The following FARP2 variants were observed in gnomAD, a reference collection of about 807,000 sequenced individuals.
FARP2 encodes FERM, ARHGEF and pleckstrin domain-containing protein 2.
In FARP2, 111 loss-of-function variants were observed where a neutral mutation model predicts 130.5. That is an observed-to-expected ratio of 0.85 (90% CI 0.73 to 1.00). The LOEUF (loss-of-function observed/expected upper bound fraction) is 1.00. FARP2 is among the 50% of genes least tolerant of loss of function. The pLI is 0.00. For synonymous variants in FARP2, 504 were observed against 516.9 expected (o/e 0.98, Z 0.34); for missense variants, 1,385 against 1,346.3 (o/e 1.03, Z -0.45).
intron 2 of FARP2, among the ~76,000 whole-genome samples, chr2:241,400,024 C>T (rs1338578951): frequency 1.3e-5 from 2 of 152,162 alleles, no homozygotes; most frequent in African/African-American, 4.8e-5. Flanking sequence ...AAACCCTGTC[C>T]TGGGTGTTGG....
In FARP2 at chr2:241,375,650, G is replaced by A. The variant is rs568998129; in HGVS notation, c.183+2360G>A. Among the ~76,000 whole-genome samples, 5 of 152,248 alleles carry A rather than the reference G, an allele frequency of 3.3e-5. No homozygotes were observed. In the South Asian group the frequency reaches 8.3e-4, roughly 25 times the overall value. Reference sequence around the variant, plus strand: ...ATTATGGTTTCAGTTAAATATAACCGTCATGTTTGGTATTTGAGATATCTG... The same window carrying A: ...ATTATGGTTTCAGTTAAATATAACCATCATGTTTGGTATTTGAGATATCTG... On this transcript the variant is annotated intron_variant, in intron 2 of 26. Transcript: ENST00000264042.
intron 13 of FARP2, among the ~76,000 whole-genome samples, chr2:241,453,450 G>A (rs193275154): frequency 0.011 from 1,674 of 151,086 alleles, 9 homozygotes; most frequent in Non-Finnish European, 0.015. Context: ...GTGAAACCCC[G>A]TCTCTACTAA....
At chr2:241,416,107 T>G (rs948586955) in intron 7 of FARP2, among the ~76,000 whole-genome samples, 1 of 141,072 alleles carries the variant, frequency 7.1e-6, no homozygotes, top group African/African-American at 2.5e-5. Flanking sequence ...TATGCATGCA[T>G]TGTGTGTGTT....
intron 1 of FARP2, among the ~76,000 whole-genome samples, chr2:241,366,706 A>T (rs1372201972): frequency 6.6e-6 from 1 of 152,110 alleles, no homozygotes; most frequent in African/African-American, 2.4e-5. Flanking sequence ...AGAAATCAAG[A>T]ACACATTTTC....
intron 1 of FARP2, among the ~76,000 whole-genome samples, chr2:241,359,452 C>T (rs1013664111): frequency 2.0e-5 from 3 of 152,168 alleles, no homozygotes; most frequent in African/African-American, 7.2e-5. Flanking sequence ...CACTAGAGCT[C>T]GCGCAGCACA....
intron 2 of FARP2, among the ~76,000 whole-genome samples, chr2:241,393,022 T>C (rs1216549800): frequency 6.6e-6 from 1 of 151,902 alleles, no homozygotes; most frequent in Non-Finnish European, 1.5e-5. Context: ...GGTTCTTTTT[T>C]TTCTCTCTCT....
intron 2 of FARP2, among the ~76,000 whole-genome samples, chr2:241,394,836 G>A (rs2061991222): frequency 6.6e-6 from 1 of 152,158 alleles, no homozygotes; most frequent in Non-Finnish European, 1.5e-5. Flanking sequence ...ACTTTTTGTA[G>A]ACCTTATTAA....
At chr2:241,363,560 G>GAGCT (rs2061238226) in intron 1 of FARP2, among the ~76,000 whole-genome samples, 1 of 152,232 alleles carries the variant, frequency 6.6e-6, no homozygotes, top group African/African-American at 2.4e-5. Flanking sequence ...GCTCAACACT[G>GAGCT]AGCTATGCAC....
intron 7 of FARP2, among the ~76,000 whole-genome samples, chr2:241,415,989 C>CTCTGTGTG (rs764755388): frequency 2.5e-3 from 354 of 141,782 alleles, no homozygotes; most frequent in East Asian, 6.3e-3. Flanking sequence ...CAGGGTAGTT[C>CTCTGTGTG]TGTGTGTGTG....
At chr2:241,370,136 G>GTA (rs1217515715) in intron 1 of FARP2, among the ~76,000 whole-genome samples, 5 of 152,130 alleles carry the variant, frequency 3.3e-5, no homozygotes, top group Non-Finnish European at 2.9e-5. Context: ...GGCAACTATA[G>GTA]TTAATACCTT....
intron 12 of FARP2, among the ~76,000 whole-genome samples, chr2:241,437,694 T>G (rs1259060171): frequency 7.0e-6 from 1 of 142,692 alleles, no homozygotes; most frequent in Non-Finnish European, 1.5e-5. Flanking sequence ...AGACGGAGTC[T>G]TGCTCTGTCG....
intron 4 of FARP2, among the ~76,000 whole-genome samples, chr2:241,405,972 T>TA (rs1309282404): frequency 3.3e-5 from 5 of 151,602 alleles, no homozygotes; most frequent in Non-Finnish European, 5.9e-5. Flanking sequence ...AACTTTTTTT[T>TA]AAAAAAAACT....
At chr2:241,476,527 A>G (rs985698809) in intron 19 of FARP2, among the ~76,000 whole-genome samples, 4 of 152,138 alleles carry the variant, frequency 2.6e-5, no homozygotes, top group African/African-American at 7.2e-5. Flanking sequence ...GTCTCTACTA[A>G]AAATACAAAA....
intron 2 of FARP2, among the ~76,000 whole-genome samples, chr2:241,398,198 G>T (rs1053598455): frequency 6.6e-6 from 1 of 152,040 alleles, no homozygotes; most frequent in African/African-American, 2.4e-5. Context: ...TGTCTTATGT[G>T]TGCAGCTTGA....
chr2:241,455,991 G>T (rs1285680213), intron 13 of FARP2, among the ~76,000 whole-genome samples: 1 of 151,130 alleles, frequency 6.6e-6, no homozygotes, highest in East Asian at 1.9e-4. Context: ...ATAGTTACTG[G>T]TTTCCCATAG....
At chr2:241,473,549 C>G (rs1482137625) in intron 18 of FARP2, among the ~76,000 whole-genome samples, 1 of 152,228 alleles carries the variant, frequency 6.6e-6, no homozygotes, top group African/African-American at 2.4e-5. Context: ...CAGCAGCTGC[C>G]AGTCCCTACC....
At chr2:241,397,575 T>C (rs2150338529) in intron 2 of FARP2, among the ~76,000 whole-genome samples, 1 of 152,210 alleles carries the variant, frequency 6.6e-6, no homozygotes, top group South Asian at 2.1e-4. Flanking sequence ...CTTGGTAAGC[T>C]GAACTGTGTC....
At chr2:241,446,809 T>C (rs2063524329) in intron 13 of FARP2, 1 of 152,242 alleles carries the variant, frequency 6.6e-6, no homozygotes, top group Non-Finnish European at 1.5e-5. Flanking sequence ...GCCATGTGTA[T>C]GGAAGATTCT....
intron 2 of FARP2, among the ~76,000 whole-genome samples, chr2:241,401,051 GC>G (rs2062153827): frequency 6.6e-6 from 1 of 152,166 alleles, no homozygotes; most frequent in Non-Finnish European, 1.5e-5. Context: ...ACACAGATTT[GC>G]CCTTTTGTTC....
Sources: allele counts gnomAD v4.1 joint callset (sites outside exome capture counted in the v4.1 genomes callset), GRCh38; gene constraint gnomAD v4.1.1; transcripts MANE v1.5; gene names NCBI Gene and HGNC (gene_info 2026-07-23, HGNC 2026-07-21).